SLC35F3: variants seen among roughly 807,000 people sequenced by gnomAD.
The protein encoded by SLC35F3 is solute carrier family 35 member F3, also known as putative thiamine transporter SLC35F3.
A neutral mutation model predicts 49.9 loss-of-function variants in SLC35F3; 25 were observed. The observed-to-expected ratio is 0.50, with a 90% CI of 0.37 to 0.70. The LOEUF (loss-of-function observed/expected upper bound fraction) is 0.70. Ranked by LOEUF, SLC35F3 falls within the 30% of genes least tolerant of loss-of-function variation. SLC35F3 has a pLI of 0.00. For synonymous variants in SLC35F3, 275 were observed against 265.4 expected, an observed-to-expected ratio of 1.04 and a Z score of -0.35; for missense variants, 525 against 639.8, an observed-to-expected ratio of 0.82 and a Z score of 1.94.
intron 3 of SLC35F3, among the ~76,000 whole-genome samples, chr1:234,301,428 CAT>C (rs1483125123): frequency 5.9e-5 from 9 of 152,066 alleles, no homozygotes; most frequent in African/African-American, 2.2e-4. Flanking sequence ...GGCCAACAAA[CAT>C]ATGAAAAAAA....
Position 234,214,291 on chromosome 1 carries a change from T to C in SLC35F3, c.284-17126T>C. On this transcript the variant is annotated intron_variant, in intron 2 of 7. Coordinates refer to ENST00000366618, the MANE Select transcript of SLC35F3 (RefSeq NM_173508.4). This position sits in a 1 kb window ranked among gnomAD's most constrained non-coding sequence, Gnocchi z 8.0. Reference sequence around the variant, plus strand: ...GGAGTGGCTGCGCGGCCGGGGAGGATGTGCGCTGCAGGGCGGCCGCCGCAG... The same window carrying C: ...GGAGTGGCTGCGCGGCCGGGGAGGACGTGCGCTGCAGGGCGGCCGCCGCAG... 1 of 1,280,814 alleles carries C rather than the reference T, an allele frequency of 7.8e-7. No individual in the cohort carries two copies. The highest frequency in any genetic ancestry group is 2.6e-5 in the South Asian group (1 of 38,808). The allele number at this position is 1,280,814 out of a possible 1,614,324, so 79.3% of individuals were successfully genotyped here.
chr1:233,920,022 G>A (rs1662033906), intron 2 of SLC35F3, among the ~76,000 whole-genome samples: 2 of 152,180 alleles, frequency 1.3e-5, no homozygotes, highest in Non-Finnish European at 2.9e-5. Flanking sequence ...TCTCTAGGAG[G>A]GTGTTGTTAA....
intron 2 of SLC35F3, among the ~76,000 whole-genome samples, chr1:233,948,186 G>A (rs891877944): frequency 1.4e-5 from 2 of 145,528 alleles, no homozygotes; most frequent in African/African-American, 2.5e-5. Flanking sequence ...CGGTAAGAGG[G>A]AGGGGAGAGA....
intron 2 of SLC35F3, among the ~76,000 whole-genome samples, chr1:234,179,451 G>A (rs1467220293): frequency 6.6e-6 from 1 of 152,132 alleles, no homozygotes; most frequent in East Asian, 1.9e-4. Flanking sequence ...TATTCGTGAT[G>A]TACAATAATT....
intron 3 of SLC35F3, among the ~76,000 whole-genome samples, chr1:234,278,919 C>CG (rs1281714316): frequency 1.3e-5 from 2 of 152,084 alleles, no homozygotes. Flanking sequence ...TGAATTTTGG[C>CG]GGTGTGAACC....
At chr1:234,004,366 G>C (rs1449274328) in intron 2 of SLC35F3, among the ~76,000 whole-genome samples, 2 of 152,034 alleles carry the variant, frequency 1.3e-5, no homozygotes, top group East Asian at 3.9e-4. Flanking sequence ...TCAGTTAAAA[G>C]GCAAACTGCA....
At chr1:233,948,832 G>T (rs563083073) in intron 2 of SLC35F3, among the ~76,000 whole-genome samples, 1 of 151,238 alleles carries the variant, frequency 6.6e-6, no homozygotes, top group African/African-American at 2.4e-5. Flanking sequence ...TTGTTCTTGC[G>T]ATAGTTTACT....
intron 2 of SLC35F3, among the ~76,000 whole-genome samples, chr1:233,955,333 T>C (rs1226595901): frequency 6.6e-6 from 1 of 152,102 alleles, no homozygotes; most frequent in Non-Finnish European, 1.5e-5. Flanking sequence ...TGGACTTCCT[T>C]TATCTTTTTC....
Position 234,231,576 on chromosome 1 carries a change from C to T in SLC35F3, c.443C>T (p.Ser148Leu), listed in dbSNP as rs770464654. The T allele has an allele frequency of 1.2e-6, 2 of 1,614,050 alleles. No individual in the cohort carries two copies. The highest frequency in any genetic ancestry group is 1.3e-5 in the African/African-American group (1 of 74,930). The change falls in exon 3 of 8, where the codon TCG becomes TTG. Residue 148 changes from serine (S) to leucine (L), a missense_variant. Ser to Leu is a moderately radical substitution (Grantham distance 145). Coordinates refer to ENST00000366618, the MANE Select transcript of SLC35F3 (RefSeq NM_173508.4). This position sits in a 1 kb window ranked among gnomAD's most constrained non-coding sequence, Gnocchi z 5.4. ...GVAVVLCVCS[S>L]WAGSTQLAKL... is the part of the protein sequence containing the mutation. ...GCGGTCGTGCTGTGCGTGTGCTCCT[C>T]GTGGGCGGGCTCCACGCAGCTCGCC...
At chr1:234,196,187 A>G (rs1464963334) in intron 2 of SLC35F3, among the ~76,000 whole-genome samples, 1 of 152,160 alleles carries the variant, frequency 6.6e-6, no homozygotes, top group Admixed American at 6.5e-5. Context: ...CCATGGCAAC[A>G]CCCAAAAATT....
intron 7 of SLC35F3, among the ~76,000 whole-genome samples, chr1:234,322,736 C>T (rs541157774): frequency 6.6e-6 from 1 of 151,692 alleles, no homozygotes; most frequent in South Asian, 2.1e-4. Flanking sequence ...TTGTTTTAAT[C>T]ACATAAATCA....
chr1:233,963,637 G>A lies in SLC35F3; in HGVS notation c.283+57879G>A, dbSNP rs144016183. ...TAGCTTTCTTTAGTGTTTGGCGCAG[G>A]TCAGTTCCGTAAGAGGCAGGTGCCA... On this transcript the variant is annotated intron_variant, in intron 2 of 7. Coordinates refer to ENST00000366618, the MANE Select transcript of SLC35F3 (RefSeq NM_173508.4). Among the ~76,000 whole-genome samples, 345 of 152,262 alleles carry A rather than the reference G, an allele frequency of 2.3e-3. 1 individual carries two copies. The highest frequency in any genetic ancestry group is 6.8e-3 in the Middle Eastern group (2 of 294).
chr1:234,321,185 C>T lies in SLC35F3; in HGVS notation c.1237+998C>T, dbSNP rs1360230129. ...CCAAAGGCGCTCGACCTCTCTGCCC[C>T]ACCATGGCCCAGACTCCCCCAGAAG... On this transcript the variant is annotated intron_variant, in intron 7 of 7. Coordinates refer to ENST00000366618, the MANE Select transcript of SLC35F3 (RefSeq NM_173508.4). Among the ~76,000 whole-genome samples the T allele has an allele frequency of 2.6e-5, 4 of 152,166 alleles. No individual in the cohort carries two copies. The East Asian group carries it at 7.7e-4, about 29-fold the overall frequency.
chr1:234,198,570 C>T (rs530865333), intron 2 of SLC35F3, among the ~76,000 whole-genome samples: 284 of 151,684 alleles, frequency 1.9e-3, no homozygotes, highest in Middle Eastern at 3.4e-3. Context: ...TTTTTTTATT[C>T]TAGCCATTCT....
At chr1:234,226,377 C>G (rs1490130329) in intron 2 of SLC35F3, among the ~76,000 whole-genome samples, 1 of 151,902 alleles carries the variant, frequency 6.6e-6, no homozygotes, top group Non-Finnish European at 1.5e-5. Context: ...TAAGGGTAAA[C>G]TCTCTGGAGA....
chr1:234,288,359 A>G (rs76670337), intron 3 of SLC35F3, among the ~76,000 whole-genome samples: 2,277 of 152,350 alleles, frequency 0.015, 51 homozygotes, highest in African/African-American at 0.052. Flanking sequence ...TAAAATCTAT[A>G]TAAATCATTA....
At chr1:233,918,776 CTT>C (rs1179915860) in intron 2 of SLC35F3, among the ~76,000 whole-genome samples, 24 of 116,654 alleles carry the variant, frequency 2.1e-4, no homozygotes, top group Non-Finnish European at 2.7e-4. Flanking sequence ...CTCTCTCTCT[CTT>C]TCTCTCTCTC....
intron 2 of SLC35F3, chr1:234,212,882 T>G (rs1014128750): frequency 6.6e-6 from 1 of 151,874 alleles, no homozygotes; most frequent in Non-Finnish European, 1.5e-5. Context: ...TCACTAGGAG[T>G]CTTGGAACGT....
At chr1:234,049,155 G>A (rs1003177422) in intron 2 of SLC35F3, among the ~76,000 whole-genome samples, 43 of 152,272 alleles carry the variant, frequency 2.8e-4, no homozygotes, top group African/African-American at 9.1e-4. Flanking sequence ...AAGGAATTTT[G>A]CATTTGAGAA....
Sources: allele counts gnomAD v4.1 joint callset (sites outside exome capture counted in the v4.1 genomes callset), GRCh38; gene constraint gnomAD v4.1.1; non-coding constraint Gnocchi (gnomAD v3.1); transcripts MANE v1.5; gene names NCBI Gene and HGNC (gene_info 2026-07-23, HGNC 2026-07-21).